Variants in WWOX observed in about 807,000 individuals in gnomAD.
The protein encoded by WWOX is WW domain-containing oxidoreductase.
WWOX carries 69 observed loss-of-function variants against 46.2 expected under a neutral mutation model. That is an observed-to-expected ratio of 1.49 (90% CI 1.23 to 1.82). WWOX has a LOEUF of 1.82. Among genes scored for constraint, WWOX ranks in the 40% most tolerant of loss-of-function variants. The pLI is 0.00. For synonymous variants in WWOX, 359 were observed against 202.6 expected, an observed-to-expected ratio of 1.77 and a Z score of -6.56; for missense variants, 919 against 542.6, an observed-to-expected ratio of 1.69 and a Z score of -6.89.
chr16:78,785,900 T>TC (rs2050443949), intron 8 of WWOX, among the ~76,000 whole-genome samples: 1 of 152,096 alleles, frequency 6.6e-6, no homozygotes, highest in Admixed American at 6.6e-5. Flanking sequence ...AGTTAATATT[T>TC]CTTTTTTATT....
intron 8 of WWOX, among the ~76,000 whole-genome samples, chr16:78,956,088 C>T (rs1201771398): frequency 6.6e-6 from 1 of 152,120 alleles, no homozygotes; most frequent in Non-Finnish European, 1.5e-5. Flanking sequence ...ATACCTCCGG[C>T]AGAGCCCTGG....
At chr16:78,996,174 A>G (rs2046983834) in intron 8 of WWOX, 5 of 979,734 alleles carry the variant, frequency 5.1e-6, no homozygotes, top group Non-Finnish European at 4.8e-6. Flanking sequence ...CGAAACTCAC[A>G]TCTTCTTTAA....
chr16:79,097,349 T>A (rs1256214295), intron 8 of WWOX, among the ~76,000 whole-genome samples: 3 of 91,944 alleles, frequency 3.3e-5, no homozygotes, highest in African/African-American at 1.5e-4. Context: ...GCTCCAAAAC[T>A]TTTTTTTTTT....
intron 8 of WWOX, chr16:78,525,539 T>C (rs1488141853): frequency 6.6e-6 from 1 of 152,302 alleles, no homozygotes; most frequent in African/African-American, 2.4e-5. Context: ...AATAGTTCTT[T>C]TGGTTCTTAC....
chr16:78,938,289 C>T (rs1289657479), intron 8 of WWOX, among the ~76,000 whole-genome samples: 2 of 152,180 alleles, frequency 1.3e-5, no homozygotes, highest in East Asian at 3.9e-4. Context: ...TGCCCAGACC[C>T]TACCTTTTCC....
chr16:78,295,171 C>G (rs2151863094), intron 5 of WWOX, among the ~76,000 whole-genome samples: 1 of 152,274 alleles, frequency 6.6e-6, no homozygotes, highest in East Asian at 1.9e-4. Context: ...ATTTTGAGGT[C>G]TTGGCTGAAG....
chr16:78,666,683 A>C (rs2047339748), intron 8 of WWOX, among the ~76,000 whole-genome samples: 1 of 152,190 alleles, frequency 6.6e-6, no homozygotes, highest in Non-Finnish European at 1.5e-5. Flanking sequence ...TCGTGCAGTA[A>C]AGAGCAGGTC....
intron 5 of WWOX, among the ~76,000 whole-genome samples, chr16:78,364,031 G>T (rs2081474548): frequency 6.6e-6 from 1 of 152,224 alleles, no homozygotes; most frequent in Middle Eastern, 3.4e-3. Context: ...TTTTCTCTTG[G>T]CCCCGTGCCA....
chr16:78,606,810 C>G (rs1361579729), intron 8 of WWOX, among the ~76,000 whole-genome samples: 1 of 149,024 alleles, frequency 6.7e-6, no homozygotes, highest in African/African-American at 2.5e-5. Flanking sequence ...AATCAATAGC[C>G]CACTTGTTGA....
chr16:78,765,065 G>C (rs898096500), intron 8 of WWOX, among the ~76,000 whole-genome samples: 1 of 152,212 alleles, frequency 6.6e-6, no homozygotes. Context: ...GGAAGTCTCA[G>C]CATCTCGAAA....
intron 8 of WWOX, among the ~76,000 whole-genome samples, chr16:78,904,220 G>A (rs1478900085): frequency 1.4e-5 from 2 of 141,526 alleles, no homozygotes; most frequent in Admixed American, 7.0e-5. Flanking sequence ...TCACTTAGAT[G>A]ATCTTATAAA....
chr16:78,335,216 A>G (rs1467274285), intron 5 of WWOX, among the ~76,000 whole-genome samples: 2 of 152,178 alleles, frequency 1.3e-5, no homozygotes, highest in African/African-American at 2.4e-5. Context: ...GGTTTGCTGC[A>G]GAGATCAACT....
At chr16:78,918,519 C>G (rs1220051690) in intron 8 of WWOX, among the ~76,000 whole-genome samples, 1 of 152,176 alleles carries the variant, frequency 6.6e-6, no homozygotes, top group Non-Finnish European at 1.5e-5. Context: ...TCAGAGGTCT[C>G]TGCACAGAGA....
intron 8 of WWOX, among the ~76,000 whole-genome samples, chr16:78,734,415 G>A (rs574801184): frequency 2.0e-5 from 3 of 152,252 alleles, no homozygotes; most frequent in African/African-American, 7.2e-5. Context: ...TTGGAATATA[G>A]TAAATGTTTG....
intron 8 of WWOX, among the ~76,000 whole-genome samples, chr16:78,811,092 C>T (rs1012161030): frequency 1.3e-5 from 2 of 151,870 alleles, no homozygotes; most frequent in African/African-American, 2.4e-5. Context: ...CTCCTCTTCT[C>T]GTCTGGATTT....
intron 8 of WWOX, among the ~76,000 whole-genome samples, chr16:78,777,413 A>G (rs1489091611): frequency 1.3e-5 from 2 of 152,154 alleles, no homozygotes; most frequent in Non-Finnish European, 2.9e-5. Context: ...AATTTTTTGT[A>G]ATTTAAATAA....
At chr16:78,927,769 G>A (rs777908083) in intron 8 of WWOX, among the ~76,000 whole-genome samples, 2 of 152,148 alleles carry the variant, frequency 1.3e-5, no homozygotes, top group African/African-American at 2.4e-5. Flanking sequence ...TTGCTCCAGC[G>A]TGGGGGAATT....
At chr16:78,474,741 A>C (rs186168665) in intron 8 of WWOX, among the ~76,000 whole-genome samples, 75 of 151,558 alleles carry the variant, frequency 4.9e-4, no homozygotes, top group African/African-American at 1.6e-3. Context: ...CTCCACTTCA[A>C]CTCTTCCCCA....
chr16:78,165,834 G>A (rs1325098407), intron 5 of WWOX, among the ~76,000 whole-genome samples: 1 of 152,150 alleles, frequency 6.6e-6, no homozygotes, highest in African/African-American at 2.4e-5. Flanking sequence ...TTTGAAATGA[G>A]CCCTTATCTT....
Sources: gnomAD v4.1 joint callset for allele counts (sites outside exome capture counted in the v4.1 genomes callset) on GRCh38, gnomAD v4.1.1 for gene constraint, MANE v1.5 for transcripts, NCBI Gene and HGNC (gene_info 2026-07-23, HGNC 2026-07-21) for gene names.